Variants in RUNX1 observed in about 807,000 individuals in gnomAD.
The protein encoded by RUNX1 is runt-related transcription factor 1.
Under a neutral mutation model 42.8 loss-of-function variants are expected in RUNX1, and 19 were observed. The observed-to-expected ratio is 0.44, with a 90% CI of 0.31 to 0.65. The LOEUF (loss-of-function observed/expected upper bound fraction) is 0.65, where lower values mean the gene tolerates loss of function less well. Among genes scored for constraint, RUNX1 ranks in the 30% least tolerant of loss-of-function variants. RUNX1 has a pLI of 0.07. For missense variants in RUNX1, 528 were observed against 672.0 expected, an observed-to-expected ratio of 0.79 and a Z score of 2.37; for synonymous variants, 271 against 289.4, an observed-to-expected ratio of 0.94 and a Z score of 0.64.
intron 2 of RUNX1, among the ~76,000 whole-genome samples, chr21:35,007,059 G>C (rs1005841683): frequency 6.6e-6 from 1 of 152,328 alleles, no homozygotes; most frequent in East Asian, 1.9e-4. Flanking sequence ...GAGACAGCTC[G>C]AAAGTGTAAC....
chr21:34,863,511 G>T (rs556875498), intron 5 of RUNX1, among the ~76,000 whole-genome samples: 83 of 149,468 alleles, frequency 5.6e-4, no homozygotes, highest in Non-Finnish European at 9.9e-4. Flanking sequence ...TTTGTGAAAT[G>T]AATGGTCATT....
chr21:34,918,127 C>CAAAAAAAA (rs71324335), intron 2 of RUNX1, among the ~76,000 whole-genome samples: 1 of 71,262 alleles, frequency 1.4e-5, no homozygotes, highest in Non-Finnish European at 2.6e-5. Flanking sequence ...GACTCTGTCT[C>CAAAAAAAA]AAAAAAAAAA....
chr21:34,815,112 T>A (rs7276549), intron 7 of RUNX1, among the ~76,000 whole-genome samples: 1 of 152,198 alleles, frequency 6.6e-6, no homozygotes, highest in African/African-American at 2.4e-5. Flanking sequence ...ACAGCACCTC[T>A]GAATTACCTT....
At chr21:34,821,175 G>A (rs1410279950) in intron 7 of RUNX1, 24 of 997,596 alleles carry the variant, frequency 2.4e-5, no homozygotes, top group Middle Eastern at 4.8e-4. Context: ...AGGAGACACC[G>A]GGGGAATTAT....
rs2059168670 is a variant in RUNX1, at chr21:35,017,601, T to C, written c.58+31241A>G. On this transcript the variant is annotated intron_variant, in intron 2 of 8. Coordinates refer to ENST00000675419, the MANE Select transcript of RUNX1 (RefSeq NM_001754.5). ...CTTTGGATAAGTTATTTCACCTCCG[T>C]GGGCCAGAAGGTGCTGATCTATCAA... is the stretch of plus-strand genomic sequence containing the variant. Among the ~76,000 whole-genome samples the C allele has an allele frequency of 2.0e-5, 3 of 152,286 alleles. 1 individual carries two copies. In the South Asian group the frequency reaches 6.2e-4, roughly 32 times the overall value.
chr21:34,822,889 G>A (rs1276916229), intron 7 of RUNX1, among the ~76,000 whole-genome samples: 1 of 152,150 alleles, frequency 6.6e-6, no homozygotes, highest in Non-Finnish European at 1.5e-5. Flanking sequence ...TGCAACTCCA[G>A]GAAGTGCAAT....
intron 2 of RUNX1, among the ~76,000 whole-genome samples, chr21:34,906,258 G>A (rs2058218443): frequency 6.6e-6 from 1 of 152,180 alleles, no homozygotes; most frequent in Non-Finnish European, 1.5e-5. Flanking sequence ...GGTTTTGACA[G>A]GTTTGGGGGT....
chr21:35,014,919 C>T (rs577446859), intron 2 of RUNX1, among the ~76,000 whole-genome samples: 370 of 152,368 alleles, frequency 2.4e-3, no homozygotes, highest in Non-Finnish European at 3.9e-3. Context: ...CTGGTCTTCC[C>T]TCCCTGGGTT....
intron 8 of RUNX1, among the ~76,000 whole-genome samples, chr21:34,795,900 C>G (rs1287565683): frequency 2.0e-5 from 3 of 152,222 alleles, no homozygotes; most frequent in Non-Finnish European, 4.4e-5. Flanking sequence ...TCATCTGATG[C>G]AATACTCTGG....
intron 7 of RUNX1, among the ~76,000 whole-genome samples, chr21:34,801,259 G>T (rs1296153065): frequency 1.3e-5 from 2 of 151,978 alleles, no homozygotes. Context: ...GCCCCCCGGG[G>T]TGTGAACTGC....
intron 2 of RUNX1, among the ~76,000 whole-genome samples, chr21:35,032,994 C>T (rs2059283358): frequency 1.3e-5 from 2 of 152,172 alleles, no homozygotes; most frequent in South Asian, 4.1e-4. Context: ...ATCCATCCAT[C>T]CCTCTATCAT....
chr21:34,962,664 C>T (rs1281034704), intron 2 of RUNX1, among the ~76,000 whole-genome samples: 1 of 152,214 alleles, frequency 6.6e-6, no homozygotes, highest in Non-Finnish European at 1.5e-5. Context: ...GCTATACAGT[C>T]CAAATCCAGA....
rs545079212 is a variant in RUNX1 at position 34,887,303 on chromosome 21, G to A, written c.98-207C>T. On this transcript the variant is annotated intron_variant, in intron 3 of 8. Transcript: ENST00000675419. ...CTAAGTTACTAACAGTCCAGGAGGG[G>A]AAAACGTTCTGGTTCTGCGGATCGG... is the stretch of plus-strand genomic sequence containing the variant. The A allele has an allele frequency of 2.6e-5, 38 of 1,456,170 alleles. No individual in the cohort carries two copies. In the South Asian group the frequency reaches 4.5e-4, roughly 17 times the overall value. The allele number at this position is 1,456,170 out of a possible 1,614,324, so 90.2% of individuals were successfully genotyped here.
At chr21:34,824,331 T>C (rs1478684111) in intron 7 of RUNX1, among the ~76,000 whole-genome samples, 1 of 152,122 alleles carries the variant, frequency 6.6e-6, no homozygotes, top group African/African-American at 2.4e-5. Flanking sequence ...AAAATAAACA[T>C]GGTTGGCCAA....
At chr21:34,948,923 T>C (rs1458602781) in intron 2 of RUNX1, among the ~76,000 whole-genome samples, 5 of 152,074 alleles carry the variant, frequency 3.3e-5, no homozygotes, top group Non-Finnish European at 4.4e-5. Context: ...TTTTTGTGTG[T>C]GTGTGTATTT....
intron 2 of RUNX1, among the ~76,000 whole-genome samples, chr21:34,998,767 T>C (rs988806254): frequency 2.0e-4 from 30 of 152,282 alleles, no homozygotes; most frequent in African/African-American, 7.2e-4. Context: ...GGTCTCAGTC[T>C]CCTGACCTCG....
intron 2 of RUNX1, among the ~76,000 whole-genome samples, chr21:35,047,547 A>ACCCTCTCT (rs1568814239): frequency 8.1e-6 from 1 of 123,234 alleles, no homozygotes; most frequent in East Asian, 2.9e-4. Flanking sequence ...ACACACACAC[A>ACCCTCTCT]CACACACACA....
intron 2 of RUNX1, among the ~76,000 whole-genome samples, chr21:34,898,371 C>A (rs556500786): frequency 6.6e-6 from 1 of 151,966 alleles, no homozygotes; most frequent in African/African-American, 2.4e-5. Context: ...AAACAAGTAC[C>A]CTGGGCATGC....
chr21:34,889,618 C>T (rs2058052838), intron 3 of RUNX1: 2 of 1,053,192 alleles, frequency 1.9e-6, no homozygotes, highest in South Asian at 5.2e-5. Context: ...TCCCCGGAAG[C>T]GGCCCCCGCT....
Sources: gnomAD v4.1 joint callset for allele counts (sites outside exome capture counted in the v4.1 genomes callset) on GRCh38, gnomAD v4.1.1 for gene constraint, MANE v1.5 for transcripts, NCBI Gene and HGNC (gene_info 2026-07-23, HGNC 2026-07-21) for gene names.